The following PAX5 variants were observed in gnomAD, a reference collection of about 807,000 sequenced individuals.
PAX5 encodes the protein paired box 5, also known as paired box protein Pax-5.
A neutral mutation model predicts 43.7 loss-of-function variants in PAX5; 9 were observed. The observed-to-expected ratio is 0.21, with a 90% CI of 0.12 to 0.36. The LOEUF (loss-of-function observed/expected upper bound fraction) is 0.36. PAX5 is among the 10% of genes least tolerant of loss of function. The pLI, the probability that PAX5 is intolerant of heterozygous loss-of-function variation, is 1.00. For missense variants in PAX5, 383 were observed against 532.7 expected (o/e 0.72, Z 2.77); for synonymous variants, 228 against 214.3 (o/e 1.06, Z -0.56).
intron 3 of PAX5, 61 bp from the exon 4 acceptor site, chr9:37,006,598 C>A: frequency 2.3e-6 from 3 of 1,310,266 alleles, no homozygotes; most frequent in Non-Finnish European, 3.3e-6. Context: ...AGACCTCAAC[C>A]AGCTATGCAC....
chr9:36,931,636 A>G (rs1316221358), intron 6 of PAX5, among the ~76,000 whole-genome samples: 1 of 151,830 alleles, frequency 6.6e-6, no homozygotes, highest in Non-Finnish European at 1.5e-5. Flanking sequence ...ATCACCTGAG[A>G]TCAGGAGTTC....
chr9:36,916,035 G>C (rs1205275862), intron 7 of PAX5, among the ~76,000 whole-genome samples: 4 of 147,382 alleles, frequency 2.7e-5, no homozygotes, highest in African/African-American at 1.0e-4. Context: ...CTGCACTCCA[G>C]CCTGGACAAC....
intron 8 of PAX5, among the ~76,000 whole-genome samples, chr9:36,851,741 G>A (rs1209392573): frequency 6.6e-6 from 1 of 152,162 alleles, no homozygotes; most frequent in East Asian, 1.9e-4. Context: ...GCAGGGAGGA[G>A]GGGCAGGCAG....
chr9:36,876,625 G>A (rs1825936452), intron 8 of PAX5, among the ~76,000 whole-genome samples: 1 of 152,222 alleles, frequency 6.6e-6, no homozygotes, highest in South Asian at 2.1e-4. Flanking sequence ...CACCAATCAA[G>A]ACACTATGAA....
intron 5 of PAX5, among the ~76,000 whole-genome samples, chr9:36,981,441 A>AAAAAAC (rs1554677044): frequency 2.5e-4 from 38 of 150,756 alleles, no homozygotes; most frequent in Admixed American, 1.3e-4. Flanking sequence ...TGGCAAAAAA[A>AAAAAAC]AAAAAACAAA....
At chr9:36,970,109 T>C (rs1272910354) in intron 5 of PAX5, among the ~76,000 whole-genome samples, 2 of 152,184 alleles carry the variant, frequency 1.3e-5, no homozygotes, top group African/African-American at 4.8e-5. Flanking sequence ...AGTCAAGTGA[T>C]CACAGGAATA....
intron 7 of PAX5, among the ~76,000 whole-genome samples, chr9:36,918,723 C>T (rs912033357): frequency 6.6e-6 from 1 of 152,088 alleles, no homozygotes; most frequent in Admixed American, 6.5e-5. Context: ...AAGCCTAATC[C>T]AGAGAAAGGC....
chr9:36,926,521 A>C (rs1366654739), intron 6 of PAX5, among the ~76,000 whole-genome samples: 3 of 152,274 alleles, frequency 2.0e-5, no homozygotes, highest in Non-Finnish European at 2.9e-5. Context: ...CTGTAGAACA[A>C]GACTTGGTCG....
At chr9:36,987,863 A>C (rs1197551937) in intron 5 of PAX5, among the ~76,000 whole-genome samples, 1 of 152,210 alleles carries the variant, frequency 6.6e-6, no homozygotes, top group Non-Finnish European at 1.5e-5. Flanking sequence ...CCCGAGAGGG[A>C]GGTACGCAGG....
intron 6 of PAX5, among the ~76,000 whole-genome samples, chr9:36,962,511 T>A (rs1564014337): frequency 6.6e-6 from 1 of 152,184 alleles, no homozygotes; most frequent in Non-Finnish European, 1.5e-5. Context: ...AGAGGATGGA[T>A]GTGAACGGTC....
In PAX5 at chr9:36,923,459, G is replaced by A. The variant is rs759434313; in HGVS notation, c.806C>T (p.Ser269Leu). Residue 269 changes from serine to leucine, a missense_variant, in exon 7 of 10, where the codon TCG becomes TTG. By Grantham distance (145) the Ser-to-Leu change is moderately radical (BLOSUM62 -2). Around this residue, in one of 5 missense-constraint regions of PAX5, gnomAD observed 291 missense variants for 342.5 expected, o/e 0.85. Transcript: ENST00000358127. ...EQTTEYSAMA[S>L]LAGGLDDMKA... Reference sequence around the variant, plus strand: ...CATGTCGTCCAGCCCACCAGCCAGCGAGGCCATGGCTGAATACTCTGTGGT... The same window carrying A: ...CATGTCGTCCAGCCCACCAGCCAGCAAGGCCATGGCTGAATACTCTGTGGT... 8.1e-6 allele frequency: 13 copies of A among 1,611,706 alleles called. No individual in the cohort carries two copies. The highest frequency in any genetic ancestry group is 4.5e-5 in the East Asian group (2 of 44,888).
intron 5 of PAX5, among the ~76,000 whole-genome samples, chr9:36,974,969 G>A (rs890117604): frequency 6.6e-6 from 1 of 152,098 alleles, no homozygotes; most frequent in Non-Finnish European, 1.5e-5. Context: ...TGCTCCCTCT[G>A]CTGGCATGCC....
chr9:36,949,644 C>G (rs1006850074), intron 6 of PAX5, among the ~76,000 whole-genome samples: 1 of 152,154 alleles, frequency 6.6e-6, no homozygotes, highest in Non-Finnish European at 1.5e-5. Context: ...CAGCTGCTTC[C>G]GAAGCTTGTG....
At chr9:36,919,546 A>C (rs1364293744) in intron 7 of PAX5, among the ~76,000 whole-genome samples, 1 of 152,176 alleles carries the variant, frequency 6.6e-6, no homozygotes, top group Non-Finnish European at 1.5e-5. Flanking sequence ...GATACCATTA[A>C]GAACATTCAC....
chr9:36,946,318 T>C (rs1374066833), intron 6 of PAX5, among the ~76,000 whole-genome samples: 1 of 152,140 alleles, frequency 6.6e-6, no homozygotes, highest in African/African-American at 2.4e-5. Context: ...TTTCTCCCGG[T>C]GCACAGATGG....
chr9:36,964,416 C>T (rs1834237540), intron 6 of PAX5, among the ~76,000 whole-genome samples: 1 of 151,570 alleles, frequency 6.6e-6, no homozygotes, highest in Non-Finnish European at 1.5e-5. Flanking sequence ...ATGGTGAAAC[C>T]CCATCTCTAC....
At chr9:36,976,750 C>CAATACGTT (rs1835468907) in intron 5 of PAX5, among the ~76,000 whole-genome samples, 1 of 152,194 alleles carries the variant, frequency 6.6e-6, no homozygotes, top group African/African-American at 2.4e-5. Context: ...TCAGGTTTGA[C>CAATACGTT]CAGAGTGAAT....
chr9:36,999,017 G>T (rs765994981), intron 5 of PAX5, among the ~76,000 whole-genome samples: 1 of 152,158 alleles, frequency 6.6e-6, no homozygotes, highest in Middle Eastern at 3.4e-3. Context: ...ATAGTGCAGG[G>T]CTAGTCACTG....
chr9:36,916,323 TAACA>T (rs1587960840), intron 7 of PAX5, among the ~76,000 whole-genome samples: 1 of 152,208 alleles, frequency 6.6e-6, no homozygotes, highest in Non-Finnish European at 1.5e-5. Flanking sequence ...TCAGTTTCAG[TAACA>T]AACAGTTTTA....
Sources: gnomAD v4.1 joint callset for allele counts (sites outside exome capture counted in the v4.1 genomes callset) on GRCh38, gnomAD v4.1.1 for gene constraint, gnomAD v4.1.1 regional missense constraint, MANE v1.5 for transcripts, NCBI Gene and HGNC (gene_info 2026-07-23, HGNC 2026-07-21) for gene names.